TNS3: variants seen among roughly 807,000 people sequenced by gnomAD.
The protein encoded by TNS3 is tensin 3, also known as tensin-3.
A neutral mutation model predicts 140.9 loss-of-function variants in TNS3; 45 were observed. The ratio of observed to expected loss-of-function variants is 0.32; its 90% confidence interval spans 0.25 to 0.41. The LOEUF is 0.41. Ranked by LOEUF, TNS3 falls within the 10% of genes least tolerant of loss-of-function variation. The pLI is 1.00. For synonymous variants in TNS3, 815 were observed against 788.4 expected (o/e 1.03, Z -0.56); for missense variants, 1,716 against 1,906.7 (o/e 0.90, Z 1.86).
chr7:47,471,542 C>T (rs1436376348), intron 4 of TNS3, among the ~76,000 whole-genome samples: 1 of 152,232 alleles, frequency 6.6e-6, no homozygotes, highest in Non-Finnish European at 1.5e-5. Flanking sequence ...CCAGCCTTTC[C>T]TGGAAGAGCC....
chr7:47,399,748 T>C (rs1793047769), intron 15 of TNS3, among the ~76,000 whole-genome samples: 1 of 152,342 alleles, frequency 6.6e-6, no homozygotes, highest in South Asian at 2.1e-4. Flanking sequence ...GGAAAAACTC[T>C]TCTGGACATT....
At chr7:47,467,638 C>A (rs1226050434) in intron 4 of TNS3, among the ~76,000 whole-genome samples, 1 of 152,116 alleles carries the variant, frequency 6.6e-6, no homozygotes, top group Non-Finnish European at 1.5e-5. Context: ...GAAGTTTCTG[C>A]CCAAAAAGCT....
intron 16 of TNS3, among the ~76,000 whole-genome samples, chr7:47,388,072 G>A (rs759464459): frequency 3.3e-5 from 5 of 152,224 alleles, no homozygotes; most frequent in Non-Finnish European, 7.3e-5. Context: ...TGGAAACTCA[G>A]CAGGTTTGAT....
chr7:47,500,441 G>A (rs911477239), intron 3 of TNS3, among the ~76,000 whole-genome samples: 2 of 152,208 alleles, frequency 1.3e-5, no homozygotes, highest in African/African-American at 2.4e-5. Flanking sequence ...GCAACTGCTC[G>A]GTCCCAGCCC....
chr7:47,467,224 C>A (rs1796756639), intron 4 of TNS3, among the ~76,000 whole-genome samples: 1 of 152,280 alleles, frequency 6.6e-6, no homozygotes, highest in East Asian at 1.9e-4. Flanking sequence ...TACCCCAGGG[C>A]CTGAGGGCCA....
intron 20 of TNS3, among the ~76,000 whole-genome samples, chr7:47,310,980 T>C (rs1181505730): frequency 1.3e-5 from 2 of 150,694 alleles, no homozygotes; most frequent in African/African-American, 4.9e-5. Context: ...TGATGGAAAT[T>C]TGGGTTGGTT....
intron 1 of TNS3, among the ~76,000 whole-genome samples, chr7:47,569,111 C>T (rs1283468835): frequency 6.6e-6 from 1 of 152,238 alleles, no homozygotes; most frequent in Non-Finnish European, 1.5e-5. Context: ...GTCTTACGTG[C>T]ACTCAGTCCC....
chr7:47,415,058 G>T, intron 11 of TNS3, 36 bp downstream of exon 11: 2 of 1,523,696 alleles, frequency 1.3e-6, no homozygotes, highest in Non-Finnish European at 1.8e-6. Flanking sequence ...GTCTGGGCCA[G>T]CCAATCGCAG....
At chr7:47,475,521 G>A (rs529019229) in intron 4 of TNS3, among the ~76,000 whole-genome samples, 1 of 92,974 alleles carries the variant, frequency 1.1e-5, no homozygotes, top group East Asian at 3.9e-4. Flanking sequence ...CTGTAAACAG[G>A]CGGCACTTCC....
intron 20 of TNS3, among the ~76,000 whole-genome samples, chr7:47,344,350 C>T (rs1414474926): frequency 6.6e-6 from 1 of 151,936 alleles, no homozygotes; most frequent in Non-Finnish European, 1.5e-5. Flanking sequence ...ACAGGAGGGG[C>T]CACAAGGTAC....
intron 20 of TNS3, among the ~76,000 whole-genome samples, chr7:47,327,539 T>G (rs2150890775): frequency 6.6e-6 from 1 of 152,306 alleles, no homozygotes; most frequent in Non-Finnish European, 1.5e-5. Context: ...GCAGGCTCGC[T>G]TTATCAGTTT....
At chr7:47,539,313 A>G (rs1232222628) in intron 1 of TNS3, 5 of 347,588 alleles carry the variant, frequency 1.4e-5, no homozygotes, top group Non-Finnish European at 2.9e-5. Flanking sequence ...CTTATTTAAA[A>G]GAGTAGCCAT....
chr7:47,427,899 C>A (rs1220673874), intron 9 of TNS3, among the ~76,000 whole-genome samples: 1 of 152,214 alleles, frequency 6.6e-6, no homozygotes, highest in Non-Finnish European at 1.5e-5. Flanking sequence ...CCCAGAGGCC[C>A]AGTGCCTGCA....
At chr7:47,283,899 C>T (rs774069756) in intron 27 of TNS3, 34 bp from the exon 28 acceptor site, 2 of 1,534,930 alleles carry the variant, frequency 1.3e-6, no homozygotes, top group East Asian at 4.7e-5. Context: ...ATGTTAGTTG[C>T]AACTATTGGG....
At chr7:47,503,417 C>A (rs1385355057) in intron 3 of TNS3, among the ~76,000 whole-genome samples, 3 of 152,036 alleles carry the variant, frequency 2.0e-5, no homozygotes, top group Non-Finnish European at 4.4e-5. Context: ...TGCTTCATTT[C>A]TCCTACTTCT....
In TNS3 at chr7:47,439,655, G is replaced by C. The variant is rs540327653; in HGVS notation, c.-19C>G. ...CCTCCATGGTGGGACTCAGGATGAC[G>C]GGCCTGCGAGAGAGCAGTGGGCAGA... On this transcript the variant is annotated 5_prime_UTR_variant, in exon 6 of 31. Transcript: ENST00000311160. The C allele has an allele frequency of 8.7e-6, 14 of 1,613,694 alleles. No individual in the cohort carries two copies. Among genetic ancestry groups the C allele is most frequent in the East Asian group, 4.5e-5 (2 of 44,856 alleles).
chr7:47,376,871 C>G (rs1791422700), intron 16 of TNS3, among the ~76,000 whole-genome samples: 1 of 152,332 alleles, frequency 6.6e-6, no homozygotes, highest in East Asian at 1.9e-4. Flanking sequence ...ACAGCCGCTG[C>G]AGTGATGGTC....
chr7:47,512,630 T>A (rs1286162272), intron 2 of TNS3, among the ~76,000 whole-genome samples: 2 of 152,148 alleles, frequency 1.3e-5, no homozygotes, highest in African/African-American at 4.8e-5. Flanking sequence ...CGCGGTGGCC[T>A]CATCTATAGG....
chr7:47,280,963 G>T (rs1044387095), intron 28 of TNS3, among the ~76,000 whole-genome samples: 1 of 151,880 alleles, frequency 6.6e-6, no homozygotes, highest in East Asian at 1.9e-4. Context: ...GTGTGAGATG[G>T]ACACAAGGAA....
Sources: allele counts gnomAD v4.1 joint callset (sites outside exome capture counted in the v4.1 genomes callset), GRCh38; gene constraint gnomAD v4.1.1; transcripts MANE v1.5; gene names NCBI Gene and HGNC (gene_info 2026-07-23, HGNC 2026-07-21).